SRRT: variants seen among roughly 807,000 people sequenced by gnomAD.
SRRT encodes serrate RNA effector molecule homolog.
In SRRT, 32 loss-of-function variants were observed where a neutral mutation model predicts 103.2. The observed-to-expected ratio is 0.31, with a 90% CI of 0.23 to 0.42. The LOEUF (loss-of-function observed/expected upper bound fraction) is 0.42, where lower values mean the gene tolerates loss of function less well. SRRT is among the 10% of genes least tolerant of loss of function. The pLI, the probability that SRRT is intolerant of heterozygous loss-of-function variation, is 1.00. For missense variants in SRRT, 986 were observed against 1,207.5 expected (o/e 0.82, Z 2.72); for synonymous variants, 525 against 449.0 (o/e 1.17, Z -2.14).
At chr7:100,878,291 A>C (rs576760051) in intron 2 of SRRT, among the ~76,000 whole-genome samples, 90 of 152,202 alleles carry the variant, frequency 5.9e-4, no homozygotes, top group African/African-American at 2.0e-3. Flanking sequence ...CAACCTGGGC[A>C]ACAGAGAGAT....
Position 100,881,767 on chromosome 7 carries a change from C to G in SRRT, c.360C>G (p.Val120=), listed in dbSNP as rs139233965. The G allele has an allele frequency of 8.7e-6, 14 of 1,613,440 alleles. No homozygotes were observed. In the African/African-American group the frequency reaches 1.3e-4, roughly 15 times the overall value. ...CTCAGCCCTGGGGCCACCCTGACGT[C>G]CACATCATGCAGCACCATGTCCTGC... is the stretch of plus-strand genomic sequence containing the variant. The part of the protein sequence containing the change: ...GPPQPWGHPD[V]HIMQHHVLPI... The change falls in exon 4 of 20, where the codon GTC becomes GTG. Residue 120 remains valine, a synonymous_variant. Transcript: ENST00000611405.
chr7:100,887,857 A>G lies in SRRT; in HGVS notation c.2324A>G (p.Gln775Arg). ...CCAGCCCAGCCACCTGGCCCCGCCC[A>G]GAGTAAGATACGATCCATGAAGGTC... ...IKPAQPPGPA[Q>R]ILPPGLTPGL... Residue 775 changes from glutamine (Q) to arginine (R), a missense_variant and splice_region_variant, in exon 17 of 20, where the codon CAG becomes CGG. Gln to Arg is a conservative substitution (Grantham distance 43, BLOSUM62 1). This residue lies in a region of SRRT where 178 missense variants were observed against 189.6 expected (regional missense o/e 0.94). Transcript: ENST00000611405. This position sits in a 1 kb window ranked among gnomAD's most constrained non-coding sequence, Gnocchi z 4.1. The G allele has an allele frequency of 6.2e-7, 1 of 1,602,136 alleles. No homozygotes were observed. The highest frequency in any genetic ancestry group is 8.5e-7 in the Non-Finnish European group (1 of 1,170,206).
At position 100,885,891 on chromosome 7, in the gene SRRT, G is replaced by A. The variant is rs755222272; in HGVS notation, c.1408G>A (p.Asp470Asn). ...RFFRRGWVTF[D>N]RSVNIKEICW... ...TTTCCGTCGTGGCTGGGTGACCTTC[G>A]ACCGCAGTGTTAACATTAAAGAGAT... The change falls in exon 12 of 20, where the codon GAC becomes AAC. Residue 470 changes from aspartate (D) to asparagine (N), a missense_variant. By Grantham distance (23) the Asp-to-Asn change is conservative (BLOSUM62 1). Around this residue, in one of 6 missense-constraint regions of SRRT, gnomAD observed 349 missense variants for 446.9 expected, o/e 0.78. Transcript: ENST00000611405. This position sits in a 1 kb window ranked among gnomAD's most constrained non-coding sequence, Gnocchi z 4.8. 4 of 1,613,974 alleles carry A rather than the reference G, an allele frequency of 2.5e-6. No homozygotes were observed. The highest frequency in any genetic ancestry group is 1.7e-5 in the Admixed American group (1 of 60,000).
chr7:100,885,411 A>G lies in SRRT; in HGVS notation c.1317+41A>G. 6.3e-7 allele frequency: 1 copy of G among 1,591,020 alleles called. No homozygotes were observed. Among genetic ancestry groups the G allele is most frequent in the South Asian group, 1.1e-5 (1 of 89,292 alleles). ...TGGAGTCAGGGCAGGGCTGATGGAG[A>G]AGTGGAGGGTAGAGGGAAGGCAGTG... On this transcript the variant is annotated intron_variant, in intron 10 of 19. Transcript: ENST00000611405. The surrounding 1 kb of genome is among the most constrained non-coding windows in gnomAD (Gnocchi z 4.8).
At position 100,885,425 on chromosome 7, in the gene SRRT, G is replaced by C; in HGVS notation, c.1317+55G>C. The C allele has an allele frequency of 2.6e-6, 4 of 1,568,358 alleles. No individual in the cohort carries two copies. The highest frequency in any genetic ancestry group is 2.3e-5 in the East Asian group (1 of 44,150). On this transcript the variant is annotated intron_variant, in intron 10 of 19. Transcript: ENST00000611405. This position sits in a 1 kb window ranked among gnomAD's most constrained non-coding sequence, Gnocchi z 4.8. ...GGCTGATGGAGAAGTGGAGGGTAGA[G>C]GGAAGGCAGTGGGGCCCTGCCTGTG...
In SRRT at chr7:100,885,024, G is replaced by A. The variant is rs1789950955; in HGVS notation, c.1143G>A (p.Glu381=). ...AGTCAGAGAGCGGCCAGGCTGAGGA[G>A]GAGAAGGAGGAGGCCGGTAGGGTTT... is the stretch of plus-strand genomic sequence containing the variant. ...ESESESGQAE[E]EKEEAEEALK... The change falls in exon 9 of 20, where the codon GAG becomes GAA. Residue 381 remains glutamate (E), a synonymous_variant. Coordinates refer to ENST00000611405, the MANE Select transcript of SRRT (RefSeq NM_015908.6). This position sits in a 1 kb window ranked among gnomAD's most constrained non-coding sequence, Gnocchi z 4.8. 6.2e-7 allele frequency: 1 copy of A among 1,614,046 alleles called. No homozygotes were observed. Among genetic ancestry groups the A allele is most frequent in the Non-Finnish European group, 8.5e-7 (1 of 1,180,018 alleles).
At chr7:100,883,498 C>T (rs898877712) in intron 5 of SRRT, among the ~76,000 whole-genome samples, 2 of 152,252 alleles carry the variant, frequency 1.3e-5, no homozygotes, top group African/African-American at 4.8e-5. Context: ...CTCTAAAGGG[C>T]ACTCCAGTGT....
chr7:100,883,723 A>G (rs1156976720), intron 5 of SRRT, among the ~76,000 whole-genome samples: 1 of 152,128 alleles, frequency 6.6e-6, no homozygotes, highest in Admixed American at 6.6e-5. Flanking sequence ...TTCCTCTCTG[A>G]AGCTTTGGGA....
rs778650509 is a variant in SRRT, at chr7:100,885,950, TGGG to T, written c.1458+12_1458+14del. The T allele has an allele frequency of 1.9e-6, 3 of 1,613,576 alleles. No homozygotes were observed. Among genetic ancestry groups the T allele is most frequent in the Non-Finnish European group, 2.5e-6 (3 of 1,179,948 alleles). On this transcript the variant is annotated intron_variant, in intron 12 of 19. Coordinates refer to ENST00000611405, the MANE Select transcript of SRRT (RefSeq NM_015908.6). This position sits in a 1 kb window ranked among gnomAD's most constrained non-coding sequence, Gnocchi z 4.8. ...ACCTGCAGAACATCCGTGTGAGTGCTGGGGGTGGGACTGTGGGGAAGAGGAAGG... is the reference window on the plus strand; with the variant it reads ...ACCTGCAGAACATCCGTGTGAGTGCTGGTGGGACTGTGGGGAAGAGGAAGG...
At position 100,887,533 on chromosome 7, in the gene SRRT, GGCC is replaced by G. The variant is rs1327095179; in HGVS notation, c.2169+22_2169+24del. On this transcript the variant is annotated intron_variant, in intron 16 of 19. Transcript: ENST00000611405. The surrounding 1 kb of genome is among the most constrained non-coding windows in gnomAD (Gnocchi z 4.1). Reference sequence around the variant, plus strand: ...TTCAAGGTGTGGGATGTTGGAGAATGGCCGTGCTACGGTGGTGGGAGGTGGGGT... The same window carrying G: ...TTCAAGGTGTGGGATGTTGGAGAATGGTGCTACGGTGGTGGGAGGTGGGGT... 6.2e-7 allele frequency: 1 copy of G among 1,611,392 alleles called. No homozygotes were observed.
chr7:100,887,037 C>T lies in SRRT; in HGVS notation c.1822-10C>T, dbSNP rs1380006181. ...GGCAGGAGCTGAACGCTCGCATTCA[C>T]TTCCCTTAGGTCTTGGACAAGCTCC... On this transcript the variant is annotated splice_polypyrimidine_tract_variant and intron_variant, in intron 14 of 19. Transcript: ENST00000611405. The surrounding 1 kb of genome is among the most constrained non-coding windows in gnomAD (Gnocchi z 4.1). 2 of 1,613,644 alleles carry T rather than the reference C, an allele frequency of 1.2e-6. No individual in the cohort carries two copies. Among genetic ancestry groups the T allele is most frequent in the East Asian group, 2.2e-5 (1 of 44,868 alleles).
chr7:100,884,364 G>A lies in SRRT; in HGVS notation c.758-4G>A. On this transcript the variant is annotated splice_polypyrimidine_tract_variant and splice_region_variant and intron_variant, in intron 6 of 19. Coordinates refer to ENST00000611405, the MANE Select transcript of SRRT (RefSeq NM_015908.6). ...GTCATGACCTCTGTTCCCTTTGTTG[G>A]TAGCCGTGATTAAGATGGAAGGAGG... The A allele has an allele frequency of 1.2e-6, 2 of 1,613,480 alleles. No homozygotes were observed. The highest frequency in any genetic ancestry group is 1.7e-6 in the Non-Finnish European group (2 of 1,179,830).
chr7:100,886,215 G>T, intron 12 of SRRT, 32 bp from the exon 13 acceptor site: 1 of 1,597,830 alleles, frequency 6.3e-7, no homozygotes, highest in South Asian at 1.1e-5. Flanking sequence ...CGGGGTAAGT[G>T]GGGTAAGCTG....
chr7:100,884,518 A>G lies in SRRT; in HGVS notation c.908A>G (p.Asn303Ser). ...AGLGDGERKT[N>S]DKDEKKEDGK... ...CTAGGGGACGGGGAGCGCAAAACCAACGACAAGGATGAGAAGAAGGAAGAC... is the reference window on the plus strand; with the variant it reads ...CTAGGGGACGGGGAGCGCAAAACCAGCGACAAGGATGAGAAGAAGGAAGAC... The change falls in exon 7 of 20, where the codon AAC becomes AGC. Residue 303 changes from asparagine (N) to serine (S), a missense_variant. Around this residue, in one of 6 missense-constraint regions of SRRT, gnomAD observed 166 missense variants for 148.6 expected, o/e 1.12. Coordinates refer to ENST00000611405, the MANE Select transcript of SRRT (RefSeq NM_015908.6). 2 of 1,473,208 alleles carry G rather than the reference A, an allele frequency of 1.4e-6. No homozygotes were observed. The highest frequency in any genetic ancestry group is 1.8e-6 in the Non-Finnish European group (2 of 1,091,648). The allele number at this position is 1,473,208 out of a possible 1,614,324, so 91.3% of individuals were successfully genotyped here.
rs1469595503 is a variant in SRRT at position 100,887,138 on chromosome 7, A to G, written c.1913A>G (p.Asn638Ser). 1.2e-6 allele frequency: 2 copies of G among 1,614,210 alleles called. No individual in the cohort carries two copies. Among genetic ancestry groups the G allele is most frequent in the Admixed American group, 1.7e-5 (1 of 60,024 alleles). ...TACCCCAACGAGGACGAGATGCCCA[A>G]TCGCTGTGGGATCATCCACGTTCGG... ...CEYPNEDEMP[N>S]RCGIIHVRGP... The change falls in exon 15 of 20, where the codon AAT (asparagine) becomes AGT (serine). Residue 638 changes from asparagine to serine, a missense_variant. Asn to Ser is a conservative substitution (Grantham distance 46). Around this residue, in one of 6 missense-constraint regions of SRRT, gnomAD observed 349 missense variants for 446.9 expected, o/e 0.78. Transcript: ENST00000611405. The surrounding 1 kb of genome is among the most constrained non-coding windows in gnomAD (Gnocchi z 4.1).
intron 2 of SRRT, among the ~76,000 whole-genome samples, chr7:100,878,910 T>C (rs1584735222): frequency 6.6e-6 from 1 of 151,762 alleles, no homozygotes; most frequent in African/African-American, 2.4e-5. Context: ...TTTTCCTTTC[T>C]TTTCTTTTCT....
At position 100,884,161 on chromosome 7, in the gene SRRT, C is replaced by G. The variant is rs1789847407; in HGVS notation, c.679C>G (p.Leu227Val). ...AAACCGACTGAGGGTCTTCCTGTCC[C>G]TCATGGAGACTGGCTGGTTTGATAA... ...LQNRLRVFLS[L>V]METGWFDNLL... The change falls in exon 6 of 20, where the codon CTC becomes GTC. Residue 227 changes from leucine to valine, a missense_variant. By Grantham distance (32) the Leu-to-Val change is conservative. Around this residue, in one of 6 missense-constraint regions of SRRT, gnomAD observed 274 missense variants for 358.5 expected, o/e 0.76. Coordinates refer to ENST00000611405, the MANE Select transcript of SRRT (RefSeq NM_015908.6). 6.2e-7 allele frequency: 1 copy of G among 1,614,110 alleles called. No individual in the cohort carries two copies. Among genetic ancestry groups the G allele is most frequent in the South Asian group, 1.1e-5 (1 of 91,072 alleles).
intron 6 of SRRT, 48 bp from the exon 7 acceptor site, chr7:100,884,319 AC>A (rs1419321978): frequency 6.2e-7 from 1 of 1,610,244 alleles, no homozygotes; most frequent in East Asian, 2.2e-5. Context: ...AAGCCGGTTG[AC>A]AGGAGCCAGG....
Position 100,882,464 on chromosome 7 carries a change from G to T in SRRT, c.587+223G>T. ...CCTGTCCTGCTGTCCTCAGAGAGTG[G>T]GACACCTCCAGGCAGCAGGCCAGAG... is the stretch of plus-strand genomic sequence containing the variant. On this transcript the variant is annotated intron_variant, in intron 5 of 19. Transcript: ENST00000611405. This position sits in a 1 kb window ranked among gnomAD's most constrained non-coding sequence, Gnocchi z 4.2. The T allele has an allele frequency of 2.0e-6, 1 of 504,692 alleles. No homozygotes were observed. Among genetic ancestry groups the T allele is most frequent in the Non-Finnish European group, 3.5e-6 (1 of 283,990 alleles). 31.3% of individuals were successfully genotyped at this position (504,692 alleles called of 1,614,324 possible).
Sources: gnomAD v4.1 joint callset for allele counts (sites outside exome capture counted in the v4.1 genomes callset) on GRCh38, gnomAD v4.1.1 for gene constraint, gnomAD v4.1.1 regional missense constraint, Gnocchi (gnomAD v3.1) non-coding constraint, MANE v1.5 for transcripts, NCBI Gene and HGNC (gene_info 2026-07-23, HGNC 2026-07-21) for gene names.